The following FBXL7 variants were observed in gnomAD, a reference collection of about 807,000 sequenced individuals.
FBXL7 encodes the protein F-box and leucine rich repeat protein 7.
Under a neutral mutation model 38.3 loss-of-function variants are expected in FBXL7, and 12 were observed. The ratio of observed to expected loss-of-function variants is 0.31; its 90% CI spans 0.20 to 0.51. The LOEUF (loss-of-function observed/expected upper bound fraction) is 0.51, where lower values mean the gene tolerates loss of function less well. Ranked by LOEUF, FBXL7 falls within the 20% of genes least tolerant of loss-of-function variation. The pLI, the probability that FBXL7 is intolerant of heterozygous loss-of-function variation, is 0.98. For missense variants in FBXL7, 567 were observed against 676.4 expected, an observed-to-expected ratio of 0.84 and a Z score of 1.79; for synonymous variants, 297 against 300.9, an observed-to-expected ratio of 0.99 and a Z score of 0.13.
intron 2 of FBXL7, among the ~76,000 whole-genome samples, chr5:15,791,235 A>G (rs559272486): frequency 2.6e-5 from 4 of 152,316 alleles, no homozygotes; most frequent in African/African-American, 9.6e-5. Context: ...CATGGTAGGT[A>G]AACTTAGTAT....
chr5:15,809,543 C>G (rs1737802347), intron 2 of FBXL7, among the ~76,000 whole-genome samples: 1 of 152,096 alleles, frequency 6.6e-6, no homozygotes, highest in South Asian at 2.1e-4. Context: ...CATTCAATAA[C>G]TATTAGCCTT....
At chr5:15,582,352 T>C (rs1323497806) in intron 1 of FBXL7, among the ~76,000 whole-genome samples, 1 of 152,268 alleles carries the variant, frequency 6.6e-6, no homozygotes, top group Admixed American at 6.5e-5. Context: ...TATTAGGATA[T>C]GCTGAATCAT....
At chr5:15,610,187 A>C (rs1740183586) in intron 1 of FBXL7, among the ~76,000 whole-genome samples, 4 of 152,174 alleles carry the variant, frequency 2.6e-5, no homozygotes, top group Admixed American at 2.6e-4. Flanking sequence ...TGGGAGCTAC[A>C]ATTCAAGATG....
chr5:15,569,162 T>A (rs1393142862), intron 1 of FBXL7, among the ~76,000 whole-genome samples: 3 of 152,220 alleles, frequency 2.0e-5, no homozygotes, highest in Non-Finnish European at 4.4e-5. Flanking sequence ...TGGCATTGAA[T>A]CTATAAATTA....
chr5:15,516,284 C>T (rs905388125), intron 1 of FBXL7, among the ~76,000 whole-genome samples: 9 of 152,014 alleles, frequency 5.9e-5, no homozygotes, highest in Non-Finnish European at 1.3e-4. Flanking sequence ...TGTGATTACC[C>T]GTCATGGTAT....
chr5:15,649,808 T>A (rs1047877613), intron 2 of FBXL7, among the ~76,000 whole-genome samples: 1 of 152,150 alleles, frequency 6.6e-6, no homozygotes, highest in Non-Finnish European at 1.5e-5. Context: ...CACTCACTTC[T>A]GATTATCTCT....
chr5:15,541,050 ATGTGTGTG>A (rs113578475), intron 1 of FBXL7, among the ~76,000 whole-genome samples: 1 of 149,136 alleles, frequency 6.7e-6, no homozygotes, highest in African/African-American at 2.5e-5. Flanking sequence ...ATGTGTCGGA[ATGTGTGTG>A]TGTGTGTGTG....
intron 2 of FBXL7, among the ~76,000 whole-genome samples, chr5:15,683,571 C>T (rs1238685618): frequency 6.6e-6 from 1 of 152,118 alleles, no homozygotes; most frequent in Non-Finnish European, 1.5e-5. Flanking sequence ...TTTAATGTAT[C>T]TAGGAAGAAA....
intron 2 of FBXL7, among the ~76,000 whole-genome samples, chr5:15,870,933 A>G: frequency 6.6e-6 from 1 of 152,220 alleles, no homozygotes; most frequent in South Asian, 2.1e-4. Context: ...AGAGCAGCAG[A>G]TCTCCCAGCA....
intron 2 of FBXL7, among the ~76,000 whole-genome samples, chr5:15,789,142 G>A (rs1357388209): frequency 6.6e-6 from 1 of 152,050 alleles, no homozygotes; most frequent in Non-Finnish European, 1.5e-5. Flanking sequence ...GAGCCACCAT[G>A]CCCAGCCAAT....
chr5:15,869,059 G>A (rs1312992149), intron 2 of FBXL7, among the ~76,000 whole-genome samples: 3 of 152,104 alleles, frequency 2.0e-5, no homozygotes, highest in Non-Finnish European at 4.4e-5. Flanking sequence ...ATTGAACGAA[G>A]AGCTCCATTC....
At chr5:15,760,684 G>A (rs1262994054) in intron 2 of FBXL7, among the ~76,000 whole-genome samples, 1 of 152,136 alleles carries the variant, frequency 6.6e-6, no homozygotes, top group Non-Finnish European at 1.5e-5. Context: ...CTGGAGTCAT[G>A]GGTTAAGTCT....
chr5:15,857,771 A>C (rs1480200598), intron 2 of FBXL7, among the ~76,000 whole-genome samples: 1 of 152,208 alleles, frequency 6.6e-6, no homozygotes, highest in Non-Finnish European at 1.5e-5. Context: ...ATGCAGAAAT[A>C]GATGATTTAT....
chr5:15,843,992 G>T (rs999715549), intron 2 of FBXL7, among the ~76,000 whole-genome samples: 1 of 151,960 alleles, frequency 6.6e-6, no homozygotes, highest in East Asian at 1.9e-4. Context: ...CATCTCTAGA[G>T]AAGTGCCTTT....
At chr5:15,762,107 C>G (rs1408449352) in intron 2 of FBXL7, among the ~76,000 whole-genome samples, 1 of 152,072 alleles carries the variant, frequency 6.6e-6, no homozygotes, top group Non-Finnish European at 1.5e-5. Context: ...CAGCGTTTGA[C>G]TGGGAGGGGA....
intron 2 of FBXL7, among the ~76,000 whole-genome samples, chr5:15,868,102 C>CAAAAA (rs35879964): frequency 1.7e-5 from 1 of 59,944 alleles, no homozygotes; most frequent in Admixed American, 1.7e-4. Context: ...GACTCCGTCT[C>CAAAAA]AAAAAAAAAA....
At chr5:15,786,574 A>T (rs1163320098) in intron 2 of FBXL7, among the ~76,000 whole-genome samples, 2 of 152,194 alleles carry the variant, frequency 1.3e-5, no homozygotes, top group Non-Finnish European at 2.9e-5. Flanking sequence ...AATAAAGTAA[A>T]TTGGCAGAAA....
chr5:15,502,715 G>A (rs981215730), intron 1 of FBXL7, among the ~76,000 whole-genome samples: 3 of 152,156 alleles, frequency 2.0e-5, no homozygotes, highest in Non-Finnish European at 4.4e-5. Context: ...CTATACTGTG[G>A]CTCCTCCCAA....
chr5:15,879,347 C>G (rs1227599133), intron 2 of FBXL7, among the ~76,000 whole-genome samples: 2 of 152,150 alleles, frequency 1.3e-5, no homozygotes, highest in Admixed American at 1.3e-4. Flanking sequence ...CCAGGATAGC[C>G]TCTGCTTGCC....
Sources: allele counts gnomAD v4.1 joint callset (sites outside exome capture counted in the v4.1 genomes callset), GRCh38; gene constraint gnomAD v4.1.1; transcripts MANE v1.5; gene names NCBI Gene and HGNC (gene_info 2026-07-23, HGNC 2026-07-21).